RABGAP1L: variants seen among roughly 807,000 people sequenced by gnomAD.
RABGAP1L encodes RAB GTPase activating protein 1 like, also known as rab GTPase-activating protein 1-like.
A neutral mutation model predicts 137.7 loss-of-function variants in RABGAP1L; 63 were observed. That is an observed-to-expected ratio of 0.46 (90% CI 0.37 to 0.56). The LOEUF (loss-of-function observed/expected upper bound fraction) is 0.56, where lower values mean the gene tolerates loss of function less well. Among genes scored for constraint, RABGAP1L ranks in the 20% least tolerant of loss-of-function variants. RABGAP1L has a pLI of 0.00. For synonymous variants in RABGAP1L, 431 were observed against 433.7 expected (o/e 0.99, Z 0.08); for missense variants, 1,095 against 1,244.0 (o/e 0.88, Z 1.80).
At chr1:174,789,480 T>C (rs1417662718) in intron 18 of RABGAP1L, among the ~76,000 whole-genome samples, 1 of 152,192 alleles carries the variant, frequency 6.6e-6, no homozygotes, top group East Asian at 1.9e-4. Flanking sequence ...TCTTTACTTA[T>C]GAAATTGATA....
chr1:174,398,392 C>G (rs972887142), intron 13 of RABGAP1L, among the ~76,000 whole-genome samples: 1 of 152,104 alleles, frequency 6.6e-6, no homozygotes, highest in African/African-American at 2.4e-5. Flanking sequence ...GTCTTTGTGG[C>G]TTGGCCAGCC....
chr1:174,650,800 A>G (rs915765342), intron 14 of RABGAP1L, among the ~76,000 whole-genome samples: 63 of 146,724 alleles, frequency 4.3e-4, no homozygotes, highest in South Asian at 6.6e-4. Flanking sequence ...TGGATTCATT[A>G]ATTTTTTGAA....
At chr1:174,343,940 T>C (rs2148899355) in intron 11 of RABGAP1L, among the ~76,000 whole-genome samples, 1 of 152,332 alleles carries the variant, frequency 6.6e-6, no homozygotes, top group South Asian at 2.1e-4. Context: ...TAGATGTTTA[T>C]TGAGTGTCTT....
At chr1:174,388,267 A>G (rs1426871119) in intron 12 of RABGAP1L, among the ~76,000 whole-genome samples, 1 of 152,078 alleles carries the variant, frequency 6.6e-6, no homozygotes, top group African/African-American at 2.4e-5. Context: ...AAAGCAAAAC[A>G]TGAATAAAGT....
At chr1:174,885,678 A>G (rs1205595613) in intron 19 of RABGAP1L, among the ~76,000 whole-genome samples, 1 of 151,770 alleles carries the variant, frequency 6.6e-6, no homozygotes, top group Admixed American at 6.6e-5. Flanking sequence ...ATTTAAAATG[A>G]TGATTAAGAC....
At chr1:174,408,297 A>G (rs61826867) in intron 13 of RABGAP1L, among the ~76,000 whole-genome samples, 13,763 of 152,148 alleles carry the variant, frequency 0.09, 835 homozygotes, top group East Asian at 0.22. Context: ...TCTCCCACTC[A>G]TAAGTGAGAA....
intron 11 of RABGAP1L, among the ~76,000 whole-genome samples, chr1:174,307,339 G>A (rs1002963265): frequency 1.3e-4 from 20 of 152,242 alleles, no homozygotes; most frequent in Admixed American, 1.3e-3. Flanking sequence ...ACTTAAACAT[G>A]TACAACTCAG....
chr1:174,866,134 AGAGAG>A (rs2149038085), intron 19 of RABGAP1L, among the ~76,000 whole-genome samples: 1 of 149,498 alleles, frequency 6.7e-6, no homozygotes, highest in African/African-American at 2.5e-5. Flanking sequence ...AGAGAGAGAG[AGAGAG>A]AGAGAGAGAG....
intron 5 of RABGAP1L, among the ~76,000 whole-genome samples, chr1:174,248,838 A>C (rs968765092): frequency 7.2e-5 from 11 of 152,220 alleles, no homozygotes; most frequent in Non-Finnish European, 1.6e-4. Flanking sequence ...ACTTTATCTA[A>C]AGTGAGGGAT....
rs10556099 is a variant in RABGAP1L at position 174,981,550 on chromosome 1, C to CTTTTTTTTT, written c.2734-1261_2734-1253dup. On this transcript the variant is annotated intron_variant, in intron 23 of 25. Transcript: ENST00000681986. ...AATTTCACATCCCCTGTTTTTCCAT[C>CTTTTTTTTT]TTTTTTTTTTTTTTTTTTTTTTTTT... 4.1e-3 allele frequency among the ~76,000 whole-genome samples: 271 copies of CTTTTTTTTT among 66,434 alleles called. 24 individuals carry two copies. Among genetic ancestry groups the CTTTTTTTTT allele is most frequent in the East Asian group, 0.013 (20 of 1,486 alleles). 43.6% of individuals were successfully genotyped at this position (66,434 alleles called of 152,430 possible). A position where few individuals can be genotyped will look rare whatever the true frequency, so the allele number is the denominator to read the frequency against.
chr1:174,526,818 T>A (rs942060624), intron 13 of RABGAP1L, among the ~76,000 whole-genome samples: 2 of 152,144 alleles, frequency 1.3e-5, no homozygotes, highest in Non-Finnish European at 2.9e-5. Context: ...TAGTATCTAT[T>A]TTGTTTAGCT....
intron 19 of RABGAP1L, among the ~76,000 whole-genome samples, chr1:174,866,437 A>C (rs953463754): frequency 2.0e-5 from 3 of 152,200 alleles, no homozygotes; most frequent in African/African-American, 7.2e-5. Context: ...TAAAGCATAC[A>C]TAAAGCCAAT....
rs548731520 is a variant in RABGAP1L, at chr1:174,960,421, G to A, written c.2433+2872G>A. On this transcript the variant is annotated intron_variant, in intron 20 of 25. Transcript: ENST00000681986. ...CATATGCAGATATCTTCATGGTTAG[G>A]TTATATCGCTGTAGTCACCTTTATT... Among the ~76,000 whole-genome samples, 4 of 152,162 alleles carry A rather than the reference G, an allele frequency of 2.6e-5. No individual in the cohort carries two copies. The East Asian group carries it at 7.7e-4, about 29-fold the overall frequency.
In RABGAP1L at chr1:174,252,493, G is replaced by C; in HGVS notation, c.889G>C (p.Asp297His). ...TGAATATTTCAGCCCTGTGCCTAAG[G>C]ATAGAGATAAATTTTATTTCAAATT... ...GKGNFSPVPK[D>H]RDKFYFKLKQ... The change falls in exon 7 of 26, where the codon GAT becomes CAT. Residue 297 changes from aspartate (D) to histidine (H), a missense_variant. Asp to His is a moderately conservative substitution (Grantham distance 81). Coordinates refer to ENST00000681986, the MANE Select transcript of RABGAP1L (RefSeq NM_001366446.1). The C allele has an allele frequency of 6.2e-7, 1 of 1,612,484 alleles. No homozygotes were observed. The highest frequency in any genetic ancestry group is 8.5e-7 in the Non-Finnish European group (1 of 1,179,438).
intron 13 of RABGAP1L, among the ~76,000 whole-genome samples, chr1:174,445,427 T>C (rs1654632320): frequency 6.6e-6 from 1 of 152,122 alleles, no homozygotes; most frequent in Non-Finnish European, 1.5e-5. Flanking sequence ...ATAAGCAATG[T>C]TTTTATTTAT....
At chr1:174,731,595 A>C (rs1422543466) in intron 17 of RABGAP1L, among the ~76,000 whole-genome samples, 2 of 152,244 alleles carry the variant, frequency 1.3e-5, no homozygotes, top group Non-Finnish European at 2.9e-5. Context: ...TATACCCTGG[A>C]ACTCCAACTT....
At chr1:174,319,330 A>G (rs913851435) in intron 11 of RABGAP1L, among the ~76,000 whole-genome samples, 9 of 152,082 alleles carry the variant, frequency 5.9e-5, no homozygotes, top group African/African-American at 1.9e-4. Flanking sequence ...TAAAATTTCA[A>G]TGGCTTATTT....
intron 19 of RABGAP1L, among the ~76,000 whole-genome samples, chr1:174,872,964 T>C (rs1296132493): frequency 6.6e-6 from 1 of 152,214 alleles, no homozygotes; most frequent in African/African-American, 2.4e-5. Context: ...AGAATGTTCA[T>C]GAAAGATTAG....
chr1:174,290,092 G>T (rs1226226335), intron 10 of RABGAP1L, among the ~76,000 whole-genome samples: 2 of 152,176 alleles, frequency 1.3e-5, no homozygotes, highest in Admixed American at 6.5e-5. Flanking sequence ...AGCTGGGCTG[G>T]ATTGCTGACT....
Sources: gnomAD v4.1 joint callset for allele counts (sites outside exome capture counted in the v4.1 genomes callset) on GRCh38, gnomAD v4.1.1 for gene constraint, MANE v1.5 for transcripts, NCBI Gene and HGNC (gene_info 2026-07-23, HGNC 2026-07-21) for gene names.